LARP1B: variants seen among roughly 807,000 people sequenced by gnomAD.
LARP1B encodes La ribonucleoprotein 1B.
A neutral mutation model predicts 114.2 loss-of-function variants in LARP1B; 76 were observed. That is an observed-to-expected ratio of 0.67 (90% CI 0.55 to 0.81). The LOEUF (loss-of-function observed/expected upper bound fraction) is 0.81, where lower values mean the gene tolerates loss of function less well. Ranked by LOEUF, LARP1B falls within the 30% of genes least tolerant of loss-of-function variation. The probability of loss-of-function intolerance (pLI) is 0.00; values close to 1 mark genes in which losing one functional copy is unlikely to be tolerated. For synonymous variants in LARP1B, 345 were observed against 348.0 expected (o/e 0.99, Z 0.10); for missense variants, 1,014 against 1,075.8 (o/e 0.94, Z 0.80).
intron 1 of LARP1B, among the ~76,000 whole-genome samples, chr4:128,065,307 T>C (rs148372856): frequency 0.019 from 1,881 of 100,948 alleles, 54 homozygotes; most frequent in Middle Eastern, 0.042. Context: ...CTTTCTTTCT[T>C]TCTTTCTTTC....
intron 4 of LARP1B, among the ~76,000 whole-genome samples, chr4:128,079,605 C>T (rs1769453990): frequency 6.6e-6 from 1 of 151,862 alleles, no homozygotes; most frequent in Non-Finnish European, 1.5e-5. Flanking sequence ...GCTCTGTCAC[C>T]CAGGCTGGAG....
At chr4:128,071,194 C>T (rs1016922897) in intron 1 of LARP1B, among the ~76,000 whole-genome samples, 1 of 151,616 alleles carries the variant, frequency 6.6e-6, no homozygotes, top group African/African-American at 2.4e-5. Flanking sequence ...CTACAGGCGC[C>T]CGCCACCACA....
At chr4:128,065,314 T>TTTCC in intron 1 of LARP1B, among the ~76,000 whole-genome samples, 1 of 73,940 alleles carries the variant, frequency 1.4e-5, no homozygotes. Flanking sequence ...TCTTTCTTTC[T>TTTCC]TTCTCTCTCT....
At chr4:128,097,689 G>T (rs1778578394) in intron 7 of LARP1B, among the ~76,000 whole-genome samples, 1 of 152,144 alleles carries the variant, frequency 6.6e-6, no homozygotes, top group African/African-American at 2.4e-5. Flanking sequence ...TGTCAACTTA[G>T]AAAACAAAAT....
chr4:128,086,882 T>G (rs962413362), intron 5 of LARP1B, among the ~76,000 whole-genome samples: 1 of 151,520 alleles, frequency 6.6e-6, no homozygotes, highest in Admixed American at 6.6e-5. Flanking sequence ...CTCACTGCCT[T>G]CCAAAGTGCT....
chr4:128,093,553 G>A (rs1470817965), intron 7 of LARP1B, among the ~76,000 whole-genome samples: 1 of 151,810 alleles, frequency 6.6e-6, no homozygotes, highest in Non-Finnish European at 1.5e-5. Flanking sequence ...CCGAGATAGT[G>A]CCACTGCAGT....
chr4:128,161,680 G>C (rs1278902285), intron 11 of LARP1B, among the ~76,000 whole-genome samples: 1 of 152,002 alleles, frequency 6.6e-6, no homozygotes, highest in Non-Finnish European at 1.5e-5. Flanking sequence ...TACCTATTTA[G>C]AATGTTTCTC....
chr4:128,122,907 G>C, intron 11 of LARP1B: 3 of 990,948 alleles, frequency 3.0e-6, no homozygotes, highest in Non-Finnish European at 3.6e-6. Context: ...CAGATATGGG[G>C]ATAAAAGGAA....
chr4:128,155,917 G>A (rs1209099374), intron 11 of LARP1B: 2 of 1,542,724 alleles, frequency 1.3e-6, no homozygotes, highest in African/African-American at 1.4e-5. Context: ...AATCCCCGAA[G>A]GAGCCAAGGA....
rs1472104123 is a variant in LARP1B, at chr4:128,065,281, C to A, written c.-78+3880C>A. ...TCTTTCTTTCTTTCTTTCTTTCTTT[C>A]TTTCTTTCTTTCTTTCTTTCTTTCT... On this transcript the variant is annotated intron_variant, in intron 1 of 19. Coordinates refer to ENST00000326639, the MANE Select transcript of LARP1B (RefSeq NM_018078.4). Among the ~76,000 whole-genome samples the A allele has an allele frequency of 8.1e-4, 108 of 133,120 alleles. 2 individuals carry two copies. The highest frequency in any genetic ancestry group is 3.1e-3 in the African/African-American group (105 of 33,770). The allele number at this position is 133,120 out of a possible 152,430, so 87.3% of individuals were successfully genotyped here. A position where few individuals can be genotyped will look rare whatever the true frequency, so the allele number is the denominator to read the frequency against.
chr4:128,170,701 G>C lies in LARP1B; in HGVS notation c.1649-6171G>C, dbSNP rs1057426329. ...CTTTTGCCAACTTTTTACTTTTAAC[G>C]TACCCATATCATTATATTTGAAGTC... On this transcript the variant is annotated intron_variant, in intron 12 of 19. Coordinates refer to ENST00000326639, the MANE Select transcript of LARP1B (RefSeq NM_018078.4). 3.3e-5 allele frequency among the ~76,000 whole-genome samples: 5 copies of C among 151,534 alleles called. No homozygotes were observed. In the South Asian group the frequency reaches 1.0e-3, roughly 32 times the overall value.
chr4:128,086,265 A>G lies in LARP1B; in HGVS notation c.358+3960A>G, dbSNP rs141961460. 2.2e-3 allele frequency among the ~76,000 whole-genome samples: 340 copies of G among 152,156 alleles called. 8 individuals are homozygous for G. The East Asian group carries it at 0.055, about 25-fold the overall frequency. On this transcript the variant is annotated intron_variant, in intron 5 of 19. Coordinates refer to ENST00000326639, the MANE Select transcript of LARP1B (RefSeq NM_018078.4). ...CATGATCCACCCTCTTTGGCCTCCC[A>G]AAGTGCTAGGATTACAGGCGTGAGC...
intron 11 of LARP1B, among the ~76,000 whole-genome samples, chr4:128,150,307 T>C (rs77766690): frequency 2.6e-5 from 4 of 151,192 alleles, no homozygotes; most frequent in African/African-American, 9.7e-5. Flanking sequence ...TTTTTTTTTT[T>C]TCAGACAGGG....
intron 10 of LARP1B, among the ~76,000 whole-genome samples, chr4:128,120,594 C>T (rs986257965): frequency 6.6e-6 from 1 of 151,614 alleles, no homozygotes; most frequent in Non-Finnish European, 1.5e-5. Flanking sequence ...CTCAGCCTCC[C>T]GAGTAGCTAG....
At chr4:128,071,036 A>G (rs1284172145) in intron 1 of LARP1B, among the ~76,000 whole-genome samples, 2 of 151,738 alleles carry the variant, frequency 1.3e-5, no homozygotes, top group East Asian at 3.9e-4. Context: ...TTTATTTTTT[A>G]ATGTTTTTAT....
At chr4:128,088,147 A>G (rs1327957737) in intron 5 of LARP1B, among the ~76,000 whole-genome samples, 1 of 152,026 alleles carries the variant, frequency 6.6e-6, no homozygotes, top group Non-Finnish European at 1.5e-5. Context: ...GTGAGCTATG[A>G]TCATGCCACT....
At chr4:128,126,147 A>T (rs2150052284) in intron 11 of LARP1B, among the ~76,000 whole-genome samples, 1 of 128,014 alleles carries the variant, frequency 7.8e-6, no homozygotes, top group African/African-American at 3.2e-5. Flanking sequence ...TTTGAGATGG[A>T]GTCTCTCTCC....
chr4:128,101,490 A>G (rs1780298157), intron 8 of LARP1B, among the ~76,000 whole-genome samples: 1 of 151,770 alleles, frequency 6.6e-6, no homozygotes, highest in South Asian at 2.1e-4. Context: ...ACTGTAAGCA[A>G]TGTCATTATT....
intron 11 of LARP1B, among the ~76,000 whole-genome samples, chr4:128,151,026 T>C (rs928788699): frequency 6.6e-6 from 1 of 152,250 alleles, no homozygotes; most frequent in Admixed American, 6.5e-5. Flanking sequence ...ATCTATATTT[T>C]ATTCCCTCCA....
Sources: allele counts gnomAD v4.1 joint callset (sites outside exome capture counted in the v4.1 genomes callset), GRCh38; gene constraint gnomAD v4.1.1; transcripts MANE v1.5; gene names NCBI Gene and HGNC (gene_info 2026-07-23, HGNC 2026-07-21).